Variants in VDR observed in about 807,000 individuals in gnomAD.
The protein encoded by VDR is vitamin D receptor, also known as vitamin D3 receptor.
Under a neutral mutation model 39.7 loss-of-function variants are expected in VDR, and 19 were observed. That is an observed-to-expected ratio of 0.48 (90% CI 0.33 to 0.70). VDR has a LOEUF of 0.70. Among genes scored for constraint, VDR ranks in the 30% least tolerant of loss-of-function variants. The pLI, the probability that VDR is intolerant of heterozygous loss-of-function variation, is 0.02. For missense variants in VDR, 442 were observed against 570.5 expected (o/e 0.77, Z 2.29); for synonymous variants, 242 against 215.8 (o/e 1.12, Z -1.07).
chr12:47,880,315 G>A (rs1946120649), intron 2 of VDR, among the ~76,000 whole-genome samples: 2 of 152,130 alleles, frequency 1.3e-5, no homozygotes, highest in South Asian at 4.2e-4. Flanking sequence ...GGGAGGCTCT[G>A]AGCTACTTTT....
chr12:47,875,716 T>C (rs1338976166), intron 3 of VDR, among the ~76,000 whole-genome samples: 1 of 152,258 alleles, frequency 6.6e-6, no homozygotes, highest in African/African-American at 2.4e-5. Context: ...ATTGAAACAC[T>C]GTTCCTGGAG....
At chr12:47,896,816 C>A (rs1340234017) in intron 1 of VDR, 1 of 152,210 alleles carries the variant, frequency 6.6e-6, no homozygotes, top group Non-Finnish European at 1.5e-5. Context: ...GCCAAAGAGG[C>A]TGGGCAGAAG....
intron 1 of VDR, among the ~76,000 whole-genome samples, chr12:47,883,539 G>A (rs1259695942): frequency 1.3e-5 from 2 of 152,194 alleles, no homozygotes; most frequent in Non-Finnish European, 2.9e-5. Flanking sequence ...CCAGCAAGGA[G>A]GGATGGGCAG....
intron 1 of VDR, among the ~76,000 whole-genome samples, chr12:47,883,612 AACAG>A (rs948649394): frequency 3.9e-5 from 6 of 151,974 alleles, no homozygotes; most frequent in Non-Finnish European, 7.4e-5. Context: ...GACATAGACA[AACAG>A]ACAGACACAC....
At position 47,846,390 on chromosome 12, in the gene VDR, C is replaced by G; in HGVS notation, c.969G>C (p.Leu323=). The change falls in exon 9 of 10, where the codon CTG becomes CTC. Residue 323 remains leucine, a synonymous_variant. Coordinates refer to ENST00000549336, the MANE Select transcript of VDR (RefSeq NM_000376.3). ...LIKFQVGLKK[L]NLHEEEHVLL... is the part of the protein sequence containing the mutation. ...GGACATGCTCCTCCTCATGCAAGTT[C>G]AGCTTCTTCAGTCCCACCTGGAACT... 6.3e-7 allele frequency: 1 copy of G among 1,587,192 alleles called. No homozygotes were observed. Among genetic ancestry groups the G allele is most frequent in the Non-Finnish European group, 8.6e-7 (1 of 1,166,868 alleles).
intron 7 of VDR, among the ~76,000 whole-genome samples, chr12:47,848,619 T>G (rs1041054803): frequency 7.7e-6 from 1 of 129,308 alleles, no homozygotes; most frequent in Non-Finnish European, 1.5e-5. Context: ...CAGGCTGGAG[T>G]GCAGTGGTGA....
chr12:47,844,711 C>A lies in VDR; in HGVS notation c.*35G>T, dbSNP rs886946453. 3 of 1,612,972 alleles carry A rather than the reference C, an allele frequency of 1.9e-6. No individual in the cohort carries two copies. The African/African-American group carries it at 4.0e-5, about 22-fold the overall frequency. Reference sequence around the variant, plus strand: ...GGCCTGGCACGTGGCCCTGGAGGAGCAGCCCCACCCAGGCACCGCCACAGG... The same window carrying A: ...GGCCTGGCACGTGGCCCTGGAGGAGAAGCCCCACCCAGGCACCGCCACAGG... On this transcript the variant is annotated 3_prime_UTR_variant, in exon 10 of 10. Transcript: ENST00000549336.
At chr12:47,898,608 A>G (rs12427078) in intron 1 of VDR, 2,355 of 154,930 alleles carry the variant, frequency 0.015, 28 homozygotes, top group Non-Finnish European at 0.027. Context: ...CTCAACTGGA[A>G]ACAACCCAAA....
At chr12:47,878,678 G>T (rs11574050) in intron 3 of VDR, 4 of 493,110 alleles carry the variant, frequency 8.1e-6, no homozygotes, top group Non-Finnish European at 1.6e-5. Context: ...GGATGGACAC[G>T]TGGGTTGGTG....
At chr12:47,889,223 G>A (rs562096470) in intron 1 of VDR, among the ~76,000 whole-genome samples, 1 of 152,048 alleles carries the variant, frequency 6.6e-6, no homozygotes, top group Non-Finnish European at 1.5e-5. Flanking sequence ...CAGTAAGGAA[G>A]TATACTTTCT....
intron 1 of VDR, among the ~76,000 whole-genome samples, chr12:47,892,930 C>A (rs73111934): frequency 6.6e-6 from 1 of 152,138 alleles, no homozygotes; most frequent in Admixed American, 6.5e-5. Context: ...TGGTAAGAGG[C>A]GTAAGGAGCA....
chr12:47,855,855 C>G, intron 6 of VDR, 54 bp from the exon 7 acceptor site: 1 of 1,608,468 alleles, frequency 6.2e-7, no homozygotes, highest in Non-Finnish European at 8.5e-7. Context: ...GGACCAGGCC[C>G]CCTCCTGCCA....
intron 4 of VDR, among the ~76,000 whole-genome samples, chr12:47,862,067 T>C (rs1223271993): frequency 6.6e-6 from 1 of 152,226 alleles, no homozygotes; most frequent in Non-Finnish European, 1.5e-5. Context: ...TGCCAGGTAC[T>C]TTACTAACAC....
intron 1 of VDR, among the ~76,000 whole-genome samples, chr12:47,900,819 T>C (rs964044941): frequency 8.6e-5 from 13 of 151,952 alleles, no homozygotes; most frequent in African/African-American, 3.1e-4. Flanking sequence ...AACTGCCGAG[T>C]CTGCACAGAC....
intron 3 of VDR, among the ~76,000 whole-genome samples, chr12:47,869,931 TA>T (rs909559535): frequency 2.7e-5 from 4 of 150,862 alleles, no homozygotes; most frequent in Admixed American, 6.6e-5. Flanking sequence ...GTACTGGGGG[TA>T]AAAAAAAAGT....
intron 2 of VDR, 31 bp downstream of exon 2, chr12:47,882,662 AG>A: frequency 1.2e-6 from 1 of 803,772 alleles, no homozygotes. Context: ...ACAGAAAGCC[AG>A]GGAAGTTGCG....
At chr12:47,898,305 T>C (rs1266724445) in intron 1 of VDR, 1 of 152,250 alleles carries the variant, frequency 6.6e-6, no homozygotes, top group Non-Finnish European at 1.5e-5. Context: ...CTAATCATTA[T>C]AACTGTAGAA....
intron 1 of VDR, chr12:47,901,259 C>G (rs541929068): frequency 1.3e-5 from 2 of 155,276 alleles, no homozygotes; most frequent in South Asian, 4.1e-4. Context: ...CGCCTATGCC[C>G]GATCACCCAC....
intron 4 of VDR, among the ~76,000 whole-genome samples, chr12:47,861,791 G>C (rs1342233491): frequency 6.6e-6 from 1 of 152,196 alleles, no homozygotes; most frequent in Non-Finnish European, 1.5e-5. Flanking sequence ...TTTTGCGCAA[G>C]TTATTCCCAT....
Sources: allele counts gnomAD v4.1 joint callset (sites outside exome capture counted in the v4.1 genomes callset), GRCh38; gene constraint gnomAD v4.1.1; transcripts MANE v1.5; gene names NCBI Gene and HGNC (gene_info 2026-07-23, HGNC 2026-07-21).